Variants in SYBU observed in about 807,000 individuals in gnomAD.
SYBU encodes GOLSYN A protein.
Under a neutral mutation model 35.9 loss-of-function variants are expected in SYBU, and 21 were observed. The ratio of observed to expected loss-of-function variants is 0.58; its 90% CI spans 0.41 to 0.84. SYBU has a LOEUF of 0.84. Among genes scored for constraint, SYBU ranks in the 40% least tolerant of loss-of-function variants. The pLI is 0.00. For missense variants in SYBU, 768 were observed against 848.2 expected (o/e 0.91, Z 1.17); for synonymous variants, 319 against 324.3 (o/e 0.98, Z 0.18).
At chr8:109,601,487 T>G (rs1825511299) in intron 3 of SYBU, among the ~76,000 whole-genome samples, 1 of 151,638 alleles carries the variant, frequency 6.6e-6, no homozygotes, top group Admixed American at 6.6e-5. Flanking sequence ...CTAGGAGGAG[T>G]TAGACTATAC....
intron 2 of SYBU, among the ~76,000 whole-genome samples, chr8:109,630,149 C>A (rs1390255744): frequency 3.3e-5 from 5 of 151,544 alleles, no homozygotes; most frequent in African/African-American, 9.7e-5. Context: ...TGGAAATCAT[C>A]ATTCTCTGGA....
At chr8:109,668,025 T>C (rs903662046) in intron 1 of SYBU, among the ~76,000 whole-genome samples, 33 of 151,924 alleles carry the variant, frequency 2.2e-4, no homozygotes, top group African/African-American at 7.7e-4. Context: ...TACAGGAGGC[T>C]AATGGACTTT....
intron 1 of SYBU, among the ~76,000 whole-genome samples, chr8:109,679,713 C>A (rs1432574871): frequency 6.6e-6 from 1 of 152,178 alleles, no homozygotes; most frequent in East Asian, 1.9e-4. Flanking sequence ...ACAATAATTA[C>A]CTCTATTTCA....
intron 2 of SYBU, among the ~76,000 whole-genome samples, chr8:109,619,306 C>T (rs1812176982): frequency 2.6e-5 from 4 of 151,990 alleles, no homozygotes. Flanking sequence ...TCATTGCAAC[C>T]TCCACATCCC....
chr8:109,583,781 T>A (rs1823307657), intron 4 of SYBU, among the ~76,000 whole-genome samples: 1 of 152,158 alleles, frequency 6.6e-6, no homozygotes, highest in Non-Finnish European at 1.5e-5. Flanking sequence ...CTACTGATGG[T>A]ACTCTGTGCC....
intron 3 of SYBU, among the ~76,000 whole-genome samples, chr8:109,604,087 GAAGAA>G (rs1825823803): frequency 6.6e-6 from 1 of 151,754 alleles, no homozygotes; most frequent in Non-Finnish European, 1.5e-5. Flanking sequence ...AGGAGAGAAA[GAAGAA>G]AAGAAAGAAA....
At chr8:109,686,236 C>A (rs1187942213) in intron 1 of SYBU, among the ~76,000 whole-genome samples, 1 of 151,932 alleles carries the variant, frequency 6.6e-6, no homozygotes, top group Non-Finnish European at 1.5e-5. Flanking sequence ...CCCCGACAGC[C>A]TTACTCTTGG....
chr8:109,577,357 T>G (rs762167652), intron 6 of SYBU, among the ~76,000 whole-genome samples: 21 of 151,354 alleles, frequency 1.4e-4, no homozygotes, highest in Non-Finnish European at 4.4e-5. Context: ...CTCTTAAGCA[T>G]GGGCTTTTTT....
At chr8:109,661,125 G>A in intron 1 of SYBU, among the ~76,000 whole-genome samples, 1 of 152,186 alleles carries the variant, frequency 6.6e-6, no homozygotes, top group East Asian at 1.9e-4. Context: ...GGACAGAAGT[G>A]TGTGCACCAT....
Position 109,691,261 on chromosome 8 carries a change from C to T in SYBU, c.-58+72G>A. On this transcript the variant is annotated intron_variant, in intron 1 of 7. Coordinates refer to the SYBU transcript ENST00000422135. This position sits in a 1 kb window ranked among gnomAD's most constrained non-coding sequence, Gnocchi z 4.7. ...CGCCCCATCACTGCCCTCATTGTAC[C>T]GAAGACCATCAGTTGCCCTCCCGTG... 1 of 693,976 alleles carries T rather than the reference C, an allele frequency of 1.4e-6. No individual in the cohort carries two copies. The highest frequency in any genetic ancestry group is 2.0e-5 in the Admixed American group (1 of 49,112). The allele number at this position is 693,976 out of a possible 1,614,324, so 43.0% of individuals were successfully genotyped here. A position where few individuals can be genotyped will look rare whatever the true frequency, so the allele number is the denominator to read the frequency against.
At chr8:109,665,386 G>A (rs974881554) in intron 1 of SYBU, among the ~76,000 whole-genome samples, 2 of 152,192 alleles carry the variant, frequency 1.3e-5, no homozygotes, top group African/African-American at 4.8e-5. Context: ...CTACCAGTTA[G>A]CATAAATCAG....
At chr8:109,630,034 CAAT>C (rs1482853641) in intron 2 of SYBU, among the ~76,000 whole-genome samples, 1 of 151,778 alleles carries the variant, frequency 6.6e-6, no homozygotes, top group Non-Finnish European at 1.5e-5. Context: ...AAATGTCCAA[CAAT>C]GATAGACTGG....
At chr8:109,655,866 G>T (rs943766161) in intron 1 of SYBU, among the ~76,000 whole-genome samples, 6 of 152,174 alleles carry the variant, frequency 3.9e-5, no homozygotes, top group African/African-American at 1.4e-4. Flanking sequence ...TGTAATCCCA[G>T]CACTTTGGGA....
At chr8:109,683,878 C>A (rs112955190), upstream of SYBU, among the ~76,000 whole-genome samples, 1 of 152,068 alleles carries the variant, frequency 6.6e-6, no homozygotes, top group East Asian at 1.9e-4. Context: ...AAGGAGCTTC[C>A]CCCCTTTTTC....
intron 3 of SYBU, chr8:109,603,477 C>T (rs1825759512): frequency 2.2e-6 from 2 of 900,772 alleles, no homozygotes; most frequent in Non-Finnish European, 2.7e-6. Context: ...CCCAGGCCAA[C>T]CCTTTGCTTG....
At chr8:109,645,419 G>T, upstream of SYBU, 1 of 437,012 alleles carries the variant, frequency 2.3e-6, no homozygotes, top group Admixed American at 2.5e-5. Context: ...AGCTCCCTCC[G>T]GCTTGGAGAA....
intron 3 of SYBU, among the ~76,000 whole-genome samples, chr8:109,604,188 G>A (rs770319949): frequency 1.7e-4 from 25 of 151,232 alleles, no homozygotes; most frequent in Non-Finnish European, 2.8e-4. Context: ...AATATAACAT[G>A]GTTACCATAA....
intron 4 of SYBU, among the ~76,000 whole-genome samples, chr8:109,585,562 A>G (rs1396466259): frequency 6.6e-6 from 1 of 152,192 alleles, no homozygotes; most frequent in South Asian, 2.1e-4. Flanking sequence ...CACCATGCCT[A>G]TGAACGTTAC....
At chr8:109,658,203 G>T (rs190344656) in intron 1 of SYBU, among the ~76,000 whole-genome samples, 2 of 152,304 alleles carry the variant, frequency 1.3e-5, no homozygotes, top group African/African-American at 4.8e-5. Context: ...AGCATGTTCA[G>T]GTGGCTCTGG....
Sources: gnomAD v4.1 joint callset for allele counts (sites outside exome capture counted in the v4.1 genomes callset) on GRCh38, gnomAD v4.1.1 for gene constraint, Gnocchi (gnomAD v3.1) non-coding constraint, MANE v1.5 for transcripts, NCBI Gene and HGNC (gene_info 2026-07-23, HGNC 2026-07-21) for gene names.